Variants in NRK observed in about 807,000 individuals in gnomAD.
NRK encodes nik-related protein kinase.
A neutral mutation model predicts 125.2 loss-of-function variants in NRK; 67 were observed. That is an observed-to-expected ratio of 0.54 (90% CI 0.44 to 0.66). NRK has a LOEUF of 0.66. Ranked by LOEUF, NRK falls within the 30% of genes least tolerant of loss-of-function variation. The pLI is 0.00. For missense variants in NRK, 1,224 were observed against 1,192.9 expected, an observed-to-expected ratio of 1.03 and a Z score of -0.38; for synonymous variants, 458 against 429.0, an observed-to-expected ratio of 1.07 and a Z score of -0.84.
intron 2 of NRK, among the ~76,000 whole-genome samples, chrX:105,838,396 C>T (rs1039787051): frequency 9.0e-6 from 1 of 110,689 alleles, no homozygotes; most frequent in African/African-American, 3.3e-5. Context: ...TTATCTAACA[C>T]CATTTTGTTA....
chrX:105,856,932 A>G (rs1270097897), intron 2 of NRK, among the ~76,000 whole-genome samples: 1 of 111,430 alleles, frequency 9.0e-6, no homozygotes, highest in Admixed American at 9.6e-5. Context: ...ATGTGGGCAC[A>G]ATGATACTCT....
chrX:105,825,955 A>G (rs2147629065), intron 1 of NRK, among the ~76,000 whole-genome samples: 1 of 106,247 alleles, frequency 9.4e-6, no homozygotes, highest in South Asian at 4.0e-4. Flanking sequence ...CTTTATATAT[A>G]TCTTTGTAAT....
intron 2 of NRK, among the ~76,000 whole-genome samples, chrX:105,866,657 A>G (rs1196323304): frequency 6.2e-5 from 7 of 112,009 alleles, no homozygotes; most frequent in Non-Finnish European, 1.9e-5. Context: ...ATTTATAGGA[A>G]AAGGAAAATG....
chrX:105,906,484 A>G lies in NRK; in HGVS notation c.916A>G (p.Asn306Asp), dbSNP rs2040220586. The G allele has an allele frequency of 8.7e-7, 1 of 1,151,577 alleles. No homozygotes were observed. Among genetic ancestry groups the G allele is most frequent in the Admixed American group, 2.3e-5 (1 of 43,979 alleles). The allele number at this position is 1,151,577 out of a possible 1,213,427, so 94.9% of individuals were successfully genotyped here. ...TTTCCTGTTTCGTCCTACTTCTGCA[A>G]ACATGCTTCAACACCCATTTGTTCG... Reference protein sequence around the residue: ...KNFLFRPTSANMLQHPFVRDI... With the variant: ...KNFLFRPTSADMLQHPFVRDI... Residue 306 changes from asparagine to aspartate, a missense_variant, in exon 11 of 29, where the codon AAC becomes GAC. Transcript: ENST00000243300.
intron 14 of NRK, 82 bp from the exon 15 acceptor site, chrX:105,915,648 G>A (rs2040355426): frequency 2.1e-6 from 1 of 468,884 alleles, no homozygotes; most frequent in East Asian, 3.7e-5. Context: ...TATATATGAA[G>A]ACAGGCATTT....
chrX:105,876,231 T>G, intron 2 of NRK, among the ~76,000 whole-genome samples: 1 of 109,416 alleles, frequency 9.1e-6, no homozygotes, highest in African/African-American at 3.4e-5. Context: ...TTAATAACAA[T>G]ATATTGTTAT....
chrX:105,934,606 T>A (rs781119127), intron 20 of NRK, among the ~76,000 whole-genome samples, 162 bp downstream of exon 20: 2 of 112,235 alleles, frequency 1.8e-5, no homozygotes, highest in Non-Finnish European at 1.9e-5. Flanking sequence ...CTTTACTGAA[T>A]CTTTATGGTA....
rs1470182866 is a variant in NRK, at chrX:105,912,713, A to G, written c.2307A>G (p.Ile769Met). Reference protein sequence around the residue: ...VFHSIQAEVQIEPLKPYISNP... With the variant: ...VFHSIQAEVQMEPLKPYISNP... ...ATTCGATTCAGGCTGAAGTCCAGAT[A>G]GAGCCATTGAAGCCATACATTTCAA... The change falls in exon 14 of 29, where the codon ATA becomes ATG. Residue 769 changes from isoleucine (I) to methionine (M), a missense_variant. By Grantham distance (10) the Ile-to-Met change is conservative (BLOSUM62 1). Transcript: ENST00000243300. 3 of 1,119,182 alleles carry G rather than the reference A, an allele frequency of 2.7e-6. No homozygotes were observed. The highest frequency in any genetic ancestry group is 2.7e-5 in the Admixed American group (1 of 37,284). 92.2% of individuals were successfully genotyped at this position (1,119,182 alleles called of 1,213,427 possible). A position where few individuals can be genotyped will look rare whatever the true frequency, so the allele number is the denominator to read the frequency against.
intron 17 of NRK, among the ~76,000 whole-genome samples, chrX:105,922,664 A>T (rs2040467699): frequency 9.0e-6 from 1 of 111,729 alleles, no homozygotes; most frequent in Non-Finnish European, 1.9e-5. Context: ...GATTTAGATT[A>T]ATTTGCACTT....
In NRK at chrX:105,915,889, A is replaced by G. The variant is rs2040359077; in HGVS notation, c.2417+92A>G. 24 of 481,038 alleles carry G rather than the reference A, an allele frequency of 5.0e-5. No individual in the cohort carries two copies. The South Asian group carries it at 9.0e-4, about 18-fold the overall frequency. The allele number at this position is 481,038 out of a possible 1,213,427, so 39.6% of individuals were successfully genotyped here. The stretch of plus-strand genomic sequence containing the variant: ...CATTGATAATACACTTTGTGAAGTC[A>G]ACTAAAATATCCGTGACAACATCAT... On this transcript the variant is annotated intron_variant, in intron 15 of 28. Transcript: ENST00000243300.
intron 19 of NRK, among the ~76,000 whole-genome samples, chrX:105,933,584 G>A (rs1426008079): frequency 8.9e-6 from 1 of 112,190 alleles, no homozygotes; most frequent in African/African-American, 3.2e-5. Flanking sequence ...GTTAATGGAA[G>A]CCAGCTACAT....
chrX:105,843,326 A>T (rs1292880937), intron 2 of NRK, among the ~76,000 whole-genome samples: 1 of 112,298 alleles, frequency 8.9e-6, no homozygotes, highest in Non-Finnish European at 1.9e-5. Context: ...TACCTTATAC[A>T]TATGGGTACT....
chrX:105,846,626 T>G (rs780390907), intron 2 of NRK, among the ~76,000 whole-genome samples: 2 of 111,609 alleles, frequency 1.8e-5, no homozygotes, highest in Non-Finnish European at 3.8e-5. Context: ...CTCTCTGAAT[T>G]TGCTAAGAGT....
rs1363605594 is a variant in NRK, at chrX:105,878,057, A to G, written c.124-2142A>G. On this transcript the variant is annotated intron_variant, in intron 2 of 28. Coordinates refer to ENST00000243300, the MANE Select transcript of NRK (RefSeq NM_198465.4). ...AGTGGCTCATAAATAATCTCTTAGA[A>G]TCAAGGAAGGAAGCATTGTAACTTT... Among the ~76,000 whole-genome samples, 3 of 111,280 alleles carry G rather than the reference A, an allele frequency of 2.7e-5. No homozygotes were observed. In the Admixed American group the frequency reaches 2.9e-4, roughly 11 times the overall value.
intron 4 of NRK, among the ~76,000 whole-genome samples, chrX:105,887,798 T>C (rs1208734812): frequency 8.9e-6 from 1 of 111,950 alleles, no homozygotes; most frequent in Non-Finnish European, 1.9e-5. Flanking sequence ...TTGGGGTGTG[T>C]GTGTGGCAGA....
intron 2 of NRK, among the ~76,000 whole-genome samples, chrX:105,849,193 C>G (rs542126452): frequency 9.0e-6 from 1 of 111,459 alleles, no homozygotes; most frequent in Non-Finnish European, 1.9e-5. Flanking sequence ...TGCATGGTGG[C>G]GGCAAGAGAA....
chrX:105,949,516 G>A (rs1316711826), intron 26 of NRK, 59 bp from the exon 27 acceptor site: 5 of 961,613 alleles, frequency 5.2e-6, no homozygotes, highest in East Asian at 3.1e-5. Context: ...AAGCTGCTTC[G>A]ATTAAAGTAG....
intron 19 of NRK, among the ~76,000 whole-genome samples, chrX:105,932,890 T>G (rs1021796058): frequency 2.7e-5 from 3 of 111,458 alleles, no homozygotes; most frequent in Non-Finnish European, 5.6e-5. Flanking sequence ...AGTTCCAATT[T>G]AGTACTTATG....
intron 2 of NRK, among the ~76,000 whole-genome samples, chrX:105,865,768 C>T (rs2039660573): frequency 9.0e-6 from 1 of 111,125 alleles, no homozygotes; most frequent in African/African-American, 3.3e-5. Flanking sequence ...CTCTTAAAGA[C>T]TTATTTAGGA....
Sources: allele counts gnomAD v4.1 joint callset (sites outside exome capture counted in the v4.1 genomes callset), GRCh38; gene constraint gnomAD v4.1.1; transcripts MANE v1.5; gene names NCBI Gene and HGNC (gene_info 2026-07-23, HGNC 2026-07-21).